The following G6PC3 variants were observed in gnomAD, a reference collection of about 807,000 sequenced individuals.
The protein encoded by G6PC3 is glucose-6-phosphatase 3.
Under a neutral mutation model 38.6 loss-of-function variants are expected in G6PC3, and 30 were observed. The ratio of observed to expected loss-of-function variants is 0.78; its 90% CI spans 0.58 to 1.05. The LOEUF (loss-of-function observed/expected upper bound fraction) is 1.05, where lower values mean the gene tolerates loss of function less well. G6PC3 is among the 50% of genes least tolerant of loss of function. The pLI is 0.00. For missense variants in G6PC3, 377 were observed against 443.1 expected (o/e 0.85, Z 1.34); for synonymous variants, 192 against 178.1 (o/e 1.08, Z -0.62).
chr17:44,075,911 C>A lies in G6PC3; in HGVS notation c.909C>A (p.Pro303=). Residue 303 remains proline (P), a synonymous_variant, in exon 6 of 6, where the codon CCC becomes CCA. Transcript: ENST00000269097. ...LLGPLDWLGH[P]PQISLFYIFN... ...GCCCCCTGGACTGGCTGGGCCACCCCCCTCAGATCAGCCTCTTCTACATTT... is the reference window on the plus strand; with the variant it reads ...GCCCCCTGGACTGGCTGGGCCACCCACCTCAGATCAGCCTCTTCTACATTT... 1 of 1,613,170 alleles carries A rather than the reference C, an allele frequency of 6.2e-7. No homozygotes were observed. Among genetic ancestry groups the A allele is most frequent in the South Asian group, 1.1e-5 (1 of 91,088 alleles).
chr17:44,072,575 C>G (rs1316062602), intron 1 of G6PC3: 1 of 151,762 alleles, frequency 6.6e-6, no homozygotes. Context: ...GGTGATCCGC[C>G]CGCTTCAGCC....
At position 44,076,069 on chromosome 17, in the gene G6PC3, C is replaced by A; in HGVS notation, c.*26C>A. 2 of 1,610,556 alleles carry A rather than the reference C, an allele frequency of 1.2e-6. No individual in the cohort carries two copies. The highest frequency in any genetic ancestry group is 1.7e-6 in the Non-Finnish European group (2 of 1,179,972). The stretch of plus-strand genomic sequence containing the variant: ...CTTCTTGTGTGCCTCCCTTTCCTTT[C>A]CCTCCCACAAAGCCAACACTCTGTG... On this transcript the variant is annotated 3_prime_UTR_variant, in exon 6 of 6. Coordinates refer to ENST00000269097, the MANE Select transcript of G6PC3 (RefSeq NM_138387.4).
chr17:44,076,073 C>T lies in G6PC3; in HGVS notation c.*30C>T. ...TTGTGTGCCTCCCTTTCCTTTCCCT[C>T]CCACAAAGCCAACACTCTGTGACCA... On this transcript the variant is annotated 3_prime_UTR_variant, in exon 6 of 6. Transcript: ENST00000269097. The T allele has an allele frequency of 6.2e-7, 1 of 1,609,924 alleles. No homozygotes were observed. The highest frequency in any genetic ancestry group is 1.3e-5 in the African/African-American group (1 of 75,048).
chr17:44,072,728 C>G (rs2050005687), intron 1 of G6PC3: 1 of 151,148 alleles, frequency 6.6e-6, no homozygotes. Flanking sequence ...CTCTTTGTCT[C>G]TCAGGTTCAA....
In G6PC3 at chr17:44,070,837, C is replaced by T. The variant is rs228758; in HGVS notation, c.-129C>T. ...GCTGGGGGCGGGGCTTGGTGGTGAC[C>T]GCTGGCGGGGCGGGGCCTGGGGCTC... On this transcript the variant is annotated 5_prime_UTR_variant, in exon 1 of 6. Coordinates refer to ENST00000269097, the MANE Select transcript of G6PC3 (RefSeq NM_138387.4). The T allele has an allele frequency of 0.48, 510,944 of 1,062,146 alleles. 131,665 individuals are homozygous for T. The highest frequency in any genetic ancestry group is 0.56 in the Middle Eastern group (1,948 of 3,452). 65.8% of individuals were successfully genotyped at this position (1,062,146 alleles called of 1,614,324 possible).
At position 44,075,378 on chromosome 17, in the gene G6PC3, A is replaced by G. The variant is rs200880654; in HGVS notation, c.604A>G (p.Thr202Ala). The G allele has an allele frequency of 6.2e-7, 1 of 1,614,080 alleles. No individual in the cohort carries two copies. The highest frequency in any genetic ancestry group is 2.2e-5 in the East Asian group (1 of 44,878). ...MERELSFYGL[T>A]ALALMLGTSL... ...GCGGGAGCTAAGCTTCTATGGGTTG[A>G]CTGCACTGGCCCTCATGCTAGGCAC... The change falls in exon 5 of 6, where the codon ACT becomes GCT. Residue 202 changes from threonine to alanine, a missense_variant. Physicochemically the swap from Thr to Ala is moderately conservative, Grantham distance 58. Coordinates refer to ENST00000269097, the MANE Select transcript of G6PC3 (RefSeq NM_138387.4).
In G6PC3 at chr17:44,076,192, A is replaced by G. The variant is rs779803637; in HGVS notation, c.*149A>G. On this transcript the variant is annotated 3_prime_UTR_variant, in exon 6 of 6. Coordinates refer to ENST00000269097, the MANE Select transcript of G6PC3 (RefSeq NM_138387.4). The stretch of plus-strand genomic sequence containing the variant: ...TCCGCACCACCTGGTCTTAGCCCCA[A>G]AGATGGGCCTTCTCTCTCCCAGATA... 17 of 1,078,884 alleles carry G rather than the reference A, an allele frequency of 1.6e-5. No individual in the cohort carries two copies. Among genetic ancestry groups the G allele is most frequent in the Non-Finnish European group, 2.1e-5 (15 of 707,866 alleles). 66.8% of individuals were successfully genotyped at this position (1,078,884 alleles called of 1,614,324 possible). A position where few individuals can be genotyped will look rare whatever the true frequency, so the allele number is the denominator to read the frequency against.
chr17:44,074,150 TC>T lies in G6PC3; in HGVS notation c.219-9del. 6.3e-7 allele frequency: 1 copy of T among 1,596,504 alleles called. No individual in the cohort carries two copies. Among genetic ancestry groups the T allele is most frequent in the South Asian group, 1.1e-5 (1 of 90,764 alleles). ...ATGTGGAAAGTCATCTTGCATCTGT[TC>T]TCTTCCAGGTTTCTTTTTGGAGACA... On this transcript the variant is annotated splice_polypyrimidine_tract_variant and intron_variant, in intron 1 of 5. Transcript: ENST00000269097.
rs149600244 is a variant in G6PC3 at position 44,074,097 on chromosome 17, G to A, written c.219-63G>A. The A allele has an allele frequency of 1.7e-4, 202 of 1,154,598 alleles. 4 individuals are homozygous for A. In the Middle Eastern group the frequency reaches 1.8e-3, roughly 10 times the overall value. 71.5% of individuals were successfully genotyped at this position (1,154,598 alleles called of 1,614,324 possible). A position where few individuals can be genotyped will look rare whatever the true frequency, so the allele number is the denominator to read the frequency against. ...CTCCAGAGTACTCTGTGTCCTGCCC[G>A]CCTTGTACCCCCCCTGGCTGTGTGT... On this transcript the variant is annotated intron_variant, in intron 1 of 5. Transcript: ENST00000269097.
In G6PC3 at chr17:44,074,840, C is replaced by T. The variant is rs147141196; in HGVS notation, c.416+70C>T. On this transcript the variant is annotated intron_variant, in intron 3 of 5. Coordinates refer to ENST00000269097, the MANE Select transcript of G6PC3 (RefSeq NM_138387.4). ...ACCCTGTACCTAATAGACACAGCAG[C>T]ATGGCAGCCTGGGAGCTGGAGTTTT... 1.4e-4 allele frequency: 205 copies of T among 1,514,172 alleles called. 2 individuals carry two copies. In the African/African-American group the frequency reaches 2.6e-3, roughly 19 times the overall value. The allele number at this position is 1,514,172 out of a possible 1,614,324, so 93.8% of individuals were successfully genotyped here. A position where few individuals can be genotyped will look rare whatever the true frequency, so the allele number is the denominator to read the frequency against.
chr17:44,075,299 C>T lies in G6PC3; in HGVS notation c.536-11C>T, dbSNP rs754125169. 1.8e-5 allele frequency: 29 copies of T among 1,613,930 alleles called. No homozygotes were observed. Among genetic ancestry groups the T allele is most frequent in the Admixed American group, 6.7e-5 (4 of 60,002 alleles). On this transcript the variant is annotated splice_polypyrimidine_tract_variant and intron_variant, in intron 4 of 5. Coordinates refer to ENST00000269097, the MANE Select transcript of G6PC3 (RefSeq NM_138387.4). ...AGACTCCTTGAAGCTGTTGTCACTC[C>T]ACTCTCCTAGGCGCTGTCCTGGGCT...
At chr17:44,074,362 C>A (rs779248794) in intron 2 of G6PC3, 96 bp downstream of exon 2, 3 of 987,350 alleles carry the variant, frequency 3.0e-6, no homozygotes, top group South Asian at 1.3e-5. Flanking sequence ...AACCAAAGGA[C>A]CAGCCTCTCA....
At position 44,074,705 on chromosome 17, in the gene G6PC3, C is replaced by G; in HGVS notation, c.351C>G (p.Ile117Met). 1 of 1,614,228 alleles carries G rather than the reference C, an allele frequency of 6.2e-7. No homozygotes were observed. The highest frequency in any genetic ancestry group is 8.5e-7 in the Non-Finnish European group (1 of 1,180,044). The change falls in exon 3 of 6, where the codon ATC (isoleucine) becomes ATG (methionine). Residue 117 changes from isoleucine (I) to methionine (M), a missense_variant. By Grantham distance (10) the Ile-to-Met change is conservative (BLOSUM62 1). Coordinates refer to ENST00000269097, the MANE Select transcript of G6PC3 (RefSeq NM_138387.4). ...GPGSPSGHCM[I>M]TGAALWPIMT... Reference sequence around the variant, plus strand: ...GCAGCCCTTCTGGACACTGCATGATCACAGGAGCAGCCCTCTGGCCCATAA... The same window carrying G: ...GCAGCCCTTCTGGACACTGCATGATGACAGGAGCAGCCCTCTGGCCCATAA...
chr17:44,071,534 A>G (rs757921064), intron 1 of G6PC3: 37 of 678,744 alleles, frequency 5.5e-5, no homozygotes, highest in Non-Finnish European at 7.5e-5. Flanking sequence ...GGGAATTCAT[A>G]TTTTAACAAA....
At position 44,070,807 on chromosome 17, in the gene G6PC3, G is replaced by A; in HGVS notation, c.-159G>A. The A allele has an allele frequency of 1.3e-6, 1 of 769,606 alleles. No individual in the cohort carries two copies. The highest frequency in any genetic ancestry group is 2.2e-6 in the Non-Finnish European group (1 of 454,048). 47.7% of individuals were successfully genotyped at this position (769,606 alleles called of 1,614,324 possible). On this transcript the variant is annotated 5_prime_UTR_variant, in exon 1 of 6. Transcript: ENST00000269097. ...TGGAGGCCGGTCTTGCAGGAGCGGG[G>A]GACTGCTGGGGGCGGGGCTTGGTGG...
Position 44,070,915 on chromosome 17 carries a change from T to G in G6PC3, c.-51T>G, listed in dbSNP as rs1381380858. 1.3e-6 allele frequency: 2 copies of G among 1,540,062 alleles called. No individual in the cohort carries two copies. On this transcript the variant is annotated 5_prime_UTR_variant, in exon 1 of 6. Coordinates refer to ENST00000269097, the MANE Select transcript of G6PC3 (RefSeq NM_138387.4). ...GTCGACGCTGCTTCGTTGCCTGGACTCTGGTTTCCGCCCTGGAGCAAGCCG... is the reference window on the plus strand; with the variant it reads ...GTCGACGCTGCTTCGTTGCCTGGACGCTGGTTTCCGCCCTGGAGCAAGCCG...
intron 2 of G6PC3, 39 bp downstream of exon 2, chr17:44,074,305 T>A: frequency 6.8e-7 from 1 of 1,470,324 alleles, no homozygotes. Flanking sequence ...CCAATGTGGT[T>A]AGGGTTCGGG....
In G6PC3 at chr17:44,074,877, G is replaced by A. The variant is rs768334923; in HGVS notation, c.417-92G>A. ...GGAGCTGGAGTTTTGGGGACCCTAG[G>A]TTGTGTGGTTCAACCATGGAGTACC... On this transcript the variant is annotated intron_variant, in intron 3 of 5. Coordinates refer to ENST00000269097, the MANE Select transcript of G6PC3 (RefSeq NM_138387.4). The A allele has an allele frequency of 3.8e-4, 554 of 1,465,846 alleles. 1 individual carries two copies. The highest frequency in any genetic ancestry group is 4.9e-4 in the Non-Finnish European group (517 of 1,045,400). The allele number at this position is 1,465,846 out of a possible 1,614,324, so 90.8% of individuals were successfully genotyped here. A position where few individuals can be genotyped will look rare whatever the true frequency, so the allele number is the denominator to read the frequency against.
intron 1 of G6PC3, chr17:44,072,827 G>A (rs2050007979): frequency 6.6e-6 from 1 of 151,526 alleles, no homozygotes; most frequent in East Asian, 1.9e-4. Context: ...AGTAGAGACA[G>A]GGTTTCACCT....
Sources: gnomAD v4.1 joint callset for allele counts on GRCh38, gnomAD v4.1.1 for gene constraint, MANE v1.5 for transcripts, NCBI Gene and HGNC (gene_info 2026-07-23, HGNC 2026-07-21) for gene names.